The following DHX36 variants were observed in gnomAD, a reference collection of about 807,000 sequenced individuals.
DHX36 encodes DEAH-box helicase 36, also known as ATP-dependent DNA/RNA helicase DHX36.
Under a neutral mutation model 139.0 loss-of-function variants are expected in DHX36, and 50 were observed. That is an observed-to-expected ratio of 0.36 (90% CI 0.29 to 0.46). The LOEUF (loss-of-function observed/expected upper bound fraction) is 0.46, where lower values mean the gene tolerates loss of function less well. DHX36 is among the 20% of genes least tolerant of loss of function. DHX36 has a pLI of 1.00. For synonymous variants in DHX36, 425 were observed against 401.9 expected, an observed-to-expected ratio of 1.06 and a Z score of -0.69; for missense variants, 1,024 against 1,211.3, an observed-to-expected ratio of 0.85 and a Z score of 2.29.
At position 154,286,816 on chromosome 3, in the gene DHX36, T is replaced by C. The variant is rs544847551; in HGVS notation, c.2032-1829A>G. On this transcript the variant is annotated intron_variant, in intron 17 of 24. Transcript: ENST00000496811. ...CACTCTGTTTTAAAAAAATTTACTA[T>C]TATTATTTTTTTTTTAAGAGATAGG... Among the ~76,000 whole-genome samples, 14 of 152,092 alleles carry C rather than the reference T, an allele frequency of 9.2e-5. No homozygotes were observed. The East Asian group carries it at 2.7e-3, about 29-fold the overall frequency.
intron 3 of DHX36, chr3:154,311,961 A>T (rs114853365): frequency 0.017 from 4,453 of 267,000 alleles, 64 homozygotes; most frequent in Non-Finnish European, 0.024. Context: ...ATAATTGCTA[A>T]ATTACTTTCA....
chr3:154,317,265 T>A (rs1459146814), intron 1 of DHX36, among the ~76,000 whole-genome samples: 1 of 152,034 alleles, frequency 6.6e-6, no homozygotes, highest in Non-Finnish European at 1.5e-5. Context: ...GATGCTAAGT[T>A]TGGATTTTAG....
chr3:154,276,683 C>A, intron 24 of DHX36, 64 bp downstream of exon 24: 1 of 1,526,830 alleles, frequency 6.5e-7, no homozygotes, highest in Non-Finnish European at 9.0e-7. Context: ...ACAGTTAGAA[C>A]AAAACCACAT....
chr3:154,298,888 T>G (rs1712148416), intron 12 of DHX36, among the ~76,000 whole-genome samples: 1 of 152,136 alleles, frequency 6.6e-6, no homozygotes, highest in Admixed American at 6.6e-5. Context: ...CACTCCAGCC[T>G]GGGCAAGAGA....
At chr3:154,316,748 T>C (rs570752905) in intron 1 of DHX36, among the ~76,000 whole-genome samples, 1 of 151,816 alleles carries the variant, frequency 6.6e-6, no homozygotes, top group African/African-American at 2.4e-5. Flanking sequence ...TAAAGGTCCT[T>C]GGTGAACTAT....
At chr3:154,286,166 C>CAAAAAAAAAAAAAAAAAA (rs60041573) in intron 17 of DHX36, among the ~76,000 whole-genome samples, 1 of 16,580 alleles carries the variant, frequency 6.0e-5, no homozygotes, top group African/African-American at 1.9e-4. Flanking sequence ...TTCCACACAC[C>CAAAAAAAAAAAAAAAAAA]AAAAAAAAAA....
chr3:154,294,650 G>C (rs1576866055), intron 13 of DHX36, among the ~76,000 whole-genome samples: 2 of 152,180 alleles, frequency 1.3e-5, no homozygotes, highest in Admixed American at 1.3e-4. Context: ...AATATTAAAA[G>C]GGTCTCAAAG....
rs553671112 is a variant in DHX36, at chr3:154,294,362, G to A, written c.1606-550C>T. On this transcript the variant is annotated intron_variant, in intron 13 of 24. Transcript: ENST00000496811. ...TGTCACTAAAGTAGAAAGAAGATAG[G>A]TAATCAAGTACCACTGGCGATAATG... Among the ~76,000 whole-genome samples the A allele has an allele frequency of 1.2e-3, 188 of 152,190 alleles. 1 individual carries two copies. Among genetic ancestry groups the A allele is most frequent in the African/African-American group, 4.2e-3 (176 of 41,538 alleles).
intron 1 of DHX36, among the ~76,000 whole-genome samples, chr3:154,316,431 C>G (rs1479267043): frequency 6.6e-6 from 1 of 152,026 alleles, no homozygotes; most frequent in East Asian, 1.9e-4. Flanking sequence ...TCATTTATGT[C>G]TCTTCCTACA....
In DHX36 at chr3:154,275,732, G is replaced by A. The variant is rs112801501; in HGVS notation, c.*439C>T. ...TATTACAACAAATTAATTTACTTCC[G>A]ATAGAAGTTTCATTTTAAAAAATGT... On this transcript the variant is annotated 3_prime_UTR_variant, in exon 25 of 25. Transcript: ENST00000496811. The A allele has an allele frequency of 1.7e-3, 253 of 152,728 alleles. 2 individuals are homozygous for A. The highest frequency in any genetic ancestry group is 5.3e-3 in the African/African-American group (218 of 41,508). 9.5% of individuals were successfully genotyped at this position (152,728 alleles called of 1,614,324 possible).
At chr3:154,323,552 G>GA (rs1713278592) in intron 1 of DHX36, among the ~76,000 whole-genome samples, 1 of 152,150 alleles carries the variant, frequency 6.6e-6, no homozygotes, top group Admixed American at 6.5e-5. Context: ...ATCACCTGAA[G>GA]AGAGGAGAGT....
chr3:154,276,184 CCA>C lies in DHX36; in HGVS notation c.3012_3013del (p.Asp1004GlufsTer17). ...CCTGAAAAGCTGTCAGCTGTAATAT[CCA>C]TCCTGGAATCGTGGCGGAAAGTTCC... On this transcript the variant is annotated frameshift_variant, in exon 25 of 25. Transcript: ENST00000496811. LOFTEE classifies it high-confidence loss of function. 1 of 1,611,352 alleles carries C rather than the reference CCA, an allele frequency of 6.2e-7. No individual in the cohort carries two copies. Among genetic ancestry groups the C allele is most frequent in the Non-Finnish European group, 8.5e-7 (1 of 1,179,168 alleles).
At chr3:154,310,829 ATATATATATATATATATATATATG>A (rs1559957765) in intron 4 of DHX36, among the ~76,000 whole-genome samples, 1 of 41,088 alleles carries the variant, frequency 2.4e-5, no homozygotes, top group African/African-American at 1.4e-4. Context: ...ATATATATAT[ATATATATATATATATATATATATG>A]TATATACATA....
chr3:154,304,793 A>T lies in DHX36; in HGVS notation c.1135+13T>A, dbSNP rs1353814394. 6 of 1,526,682 alleles carry T rather than the reference A, an allele frequency of 3.9e-6. No individual in the cohort carries two copies. Among genetic ancestry groups the T allele is most frequent in the Non-Finnish European group, 5.3e-6 (6 of 1,140,532 alleles). 94.6% of individuals were successfully genotyped at this position (1,526,682 alleles called of 1,614,324 possible). A position where few individuals can be genotyped will look rare whatever the true frequency, so the allele number is the denominator to read the frequency against. On this transcript the variant is annotated intron_variant, in intron 8 of 24. Coordinates refer to ENST00000496811, the MANE Select transcript of DHX36 (RefSeq NM_020865.3). Reference sequence around the variant, plus strand: ...GTACCTTTTCTAATGTAATAACTATACATTTTACTCACCAAAATATTCTGA... The same window carrying T: ...GTACCTTTTCTAATGTAATAACTATTCATTTTACTCACCAAAATATTCTGA...
chr3:154,286,946 C>G (rs1711568298), intron 17 of DHX36, among the ~76,000 whole-genome samples: 1 of 151,898 alleles, frequency 6.6e-6, no homozygotes, highest in South Asian at 2.1e-4. Flanking sequence ...TCTCTAGAGT[C>G]AAGACGTTTT....
At chr3:154,322,752 A>G (rs1713241000) in intron 1 of DHX36, among the ~76,000 whole-genome samples, 1 of 152,190 alleles carries the variant, frequency 6.6e-6, no homozygotes, top group African/African-American at 2.4e-5. Context: ...TCTCAGCTAG[A>G]CTGTAAGCTC....
intron 3 of DHX36, among the ~76,000 whole-genome samples, chr3:154,313,278 A>T (rs749240615): frequency 2.6e-5 from 4 of 152,142 alleles, no homozygotes; most frequent in Non-Finnish European, 4.4e-5. Flanking sequence ...TTCTTTCCCA[A>T]GGCAGCCAAA....
At chr3:154,319,145 C>G (rs1309187467) in intron 1 of DHX36, 1 of 152,130 alleles carries the variant, frequency 6.6e-6, no homozygotes, top group East Asian at 1.9e-4. Flanking sequence ...CAACCTTCTT[C>G]TAGTTCTACC....
intron 15 of DHX36, 87 bp from the exon 16 acceptor site, chr3:154,289,913 A>G (rs528741663): frequency 2.7e-6 from 2 of 730,094 alleles, no homozygotes; most frequent in East Asian, 5.1e-5. Context: ...TAGGCAGGGA[A>G]GTAGCCAATA....
Sources: gnomAD v4.1 joint callset for allele counts (sites outside exome capture counted in the v4.1 genomes callset) on GRCh38, gnomAD v4.1.1 for gene constraint, MANE v1.5 for transcripts, NCBI Gene and HGNC (gene_info 2026-07-23, HGNC 2026-07-21) for gene names.